NOVA1: variants seen among roughly 807,000 people sequenced by gnomAD.
NOVA1 encodes NOVA alternative splicing regulator 1.
In NOVA1, 7 loss-of-function variants were observed where a neutral mutation model predicts 38.0. The observed-to-expected ratio is 0.18, with a 90% CI of 0.10 to 0.35. The LOEUF is 0.35. NOVA1 is among the 10% of genes least tolerant of loss of function. The pLI is 1.00. For synonymous variants in NOVA1, 270 were observed against 232.5 expected, an observed-to-expected ratio of 1.16 and a Z score of -1.47; for missense variants, 460 against 616.0, an observed-to-expected ratio of 0.75 and a Z score of 2.68.
intron 3 of NOVA1, among the ~76,000 whole-genome samples, chr14:26,478,761 T>C (rs1199529773): frequency 6.6e-6 from 1 of 151,934 alleles, no homozygotes; most frequent in Non-Finnish European, 1.5e-5. Context: ...TTAAGACTTA[T>C]GAAGGGTATA....
rs1263557543 is a variant in NOVA1 at position 26,446,615 on chromosome 14, G to A, written c.*1344C>T. On this transcript the variant is annotated 3_prime_UTR_variant, in exon 5 of 5. Coordinates refer to ENST00000539517, the MANE Select transcript of NOVA1 (RefSeq NM_002515.3). ...GGTGCTTGGGGATGGATGCCCCTAT[G>A]AGTGGCCTTGAGTGGGCAAACTCAG... 1 of 152,790 alleles carries A rather than the reference G, an allele frequency of 6.5e-6. No individual in the cohort carries two copies. Among genetic ancestry groups the A allele is most frequent in the African/African-American group, 2.4e-5 (1 of 41,462 alleles). 9.5% of individuals were successfully genotyped at this position (152,790 alleles called of 1,614,324 possible). A position where few individuals can be genotyped will look rare whatever the true frequency, so the allele number is the denominator to read the frequency against.
chr14:26,449,695 G>A (rs1188373035), intron 4 of NOVA1, among the ~76,000 whole-genome samples: 1 of 151,972 alleles, frequency 6.6e-6, no homozygotes, highest in Admixed American at 6.6e-5. Context: ...ATCTATATTT[G>A]TAAAATAATT....
At chr14:26,525,168 T>G (rs143836645) in intron 2 of NOVA1, among the ~76,000 whole-genome samples, 2 of 152,162 alleles carry the variant, frequency 1.3e-5, no homozygotes, top group Admixed American at 1.3e-4. Flanking sequence ...TCCAGTGCTA[T>G]GTAATAAGAA....
chr14:26,492,383 A>G (rs1029481006), intron 2 of NOVA1, among the ~76,000 whole-genome samples: 1 of 152,164 alleles, frequency 6.6e-6, no homozygotes, highest in Non-Finnish European at 1.5e-5. Flanking sequence ...GGCTACAAGT[A>G]CCAGAAAAAT....
intron 4 of NOVA1, chr14:26,470,363 G>T: frequency 6.7e-7 from 1 of 1,493,312 alleles, no homozygotes; most frequent in East Asian, 2.4e-5. Flanking sequence ...AATACTGTTG[G>T]GGAGAAAATA....
At chr14:26,564,342 A>C (rs568204576) in intron 2 of NOVA1, among the ~76,000 whole-genome samples, 1 of 152,290 alleles carries the variant, frequency 6.6e-6, no homozygotes, top group Non-Finnish European at 1.5e-5. Context: ...CATATGTATT[A>C]ATTCAGTCCT....
chr14:26,542,976 T>C (rs1272239867), intron 2 of NOVA1, among the ~76,000 whole-genome samples: 1 of 151,830 alleles, frequency 6.6e-6, no homozygotes, highest in Non-Finnish European at 1.5e-5. Context: ...TGCCTAAGAA[T>C]AAATAAACAC....
At chr14:26,517,786 T>C (rs1888578602) in intron 2 of NOVA1, among the ~76,000 whole-genome samples, 1 of 152,202 alleles carries the variant, frequency 6.6e-6, no homozygotes, top group Admixed American at 6.5e-5. Context: ...CATGGCATAG[T>C]CATATGTAAA....
At chr14:26,466,373 A>G (rs1350642800) in intron 4 of NOVA1, among the ~76,000 whole-genome samples, 1 of 152,222 alleles carries the variant, frequency 6.6e-6, no homozygotes, top group East Asian at 1.9e-4. Context: ...GGTTAGGGGT[A>G]GTTTTTGGAC....
intron 2 of NOVA1, among the ~76,000 whole-genome samples, chr14:26,537,590 T>C (rs1890193454): frequency 6.6e-6 from 1 of 152,164 alleles, no homozygotes; most frequent in Non-Finnish European, 1.5e-5. Context: ...AAATGGTTAA[T>C]GCCCTTATAT....
At chr14:26,544,266 C>T (rs367664538) in intron 2 of NOVA1, among the ~76,000 whole-genome samples, 2 of 151,992 alleles carry the variant, frequency 1.3e-5, no homozygotes, top group African/African-American at 4.8e-5. Flanking sequence ...GTAGTCAAAA[C>T]CAGACAAATA....
At chr14:26,573,515 A>G (rs1329664237) in intron 2 of NOVA1, among the ~76,000 whole-genome samples, 1 of 152,178 alleles carries the variant, frequency 6.6e-6, no homozygotes, top group East Asian at 1.9e-4. Flanking sequence ...GAAAAAATTT[A>G]AAAGATCCAA....
intron 2 of NOVA1, among the ~76,000 whole-genome samples, chr14:26,526,331 T>C (rs17111336): frequency 0.072 from 11,031 of 152,218 alleles, 881 homozygotes; most frequent in African/African-American, 0.2. Flanking sequence ...AAATTTGGAT[T>C]GGTTGCTTTC....
intron 2 of NOVA1, among the ~76,000 whole-genome samples, chr14:26,555,620 G>C (rs190573509): frequency 5.7e-4 from 87 of 152,166 alleles, no homozygotes; most frequent in Non-Finnish European, 4.7e-4. Context: ...TCAGTTACAA[G>C]TAAATTTTAA....
chr14:26,447,992 T>C lies in NOVA1; in HGVS notation c.1491A>G (p.Gly497=). 2 of 1,614,180 alleles carry C rather than the reference T, an allele frequency of 1.2e-6. No individual in the cohort carries two copies. Among genetic ancestry groups the C allele is most frequent in the Non-Finnish European group, 1.7e-6 (2 of 1,180,032 alleles). The change falls in exon 5 of 5, where the codon GGA becomes GGG. Residue 497 remains glycine, a synonymous_variant. Transcript: ENST00000539517. ...CTTTCTGAGGATTGGCAGCCCGAACTCCTTGCTCATATGTGATCCTTTGTG... is the reference window on the plus strand; with the variant it reads ...CTTTCTGAGGATTGGCAGCCCGAACCCCTTGCTCATATGTGATCCTTTGTG... The part of the protein sequence containing the change: ...LITQRITYEQ[G]VRAANPQKVG
In NOVA1 at chr14:26,513,268, A is replaced by C. The variant is rs1888224933; in HGVS notation, c.281-33125T>G. ...AAATTAATTCTGTAAGCTTGAATGA[A>C]AGATATTCAATTTATGGATTTTCAT... On this transcript the variant is annotated intron_variant, in intron 2 of 4. Transcript: ENST00000539517. 2.0e-5 allele frequency among the ~76,000 whole-genome samples: 3 copies of C among 151,942 alleles called. No individual in the cohort carries two copies. In the South Asian group the frequency reaches 6.2e-4, roughly 31 times the overall value.
chr14:26,562,710 G>A (rs1317309766), intron 2 of NOVA1, among the ~76,000 whole-genome samples: 3 of 152,074 alleles, frequency 2.0e-5, no homozygotes, highest in Non-Finnish European at 4.4e-5. Context: ...GAAAGACAGC[G>A]ATAATGTTAG....
At chr14:26,476,710 TTTC>T (rs1271937464) in intron 3 of NOVA1, among the ~76,000 whole-genome samples, 3 of 152,000 alleles carry the variant, frequency 2.0e-5, no homozygotes, top group Admixed American at 6.5e-5. Context: ...TCTGAATTTT[TTTC>T]TTTTCTTTTT....
chr14:26,580,576 T>A (rs2138764938), intron 2 of NOVA1, among the ~76,000 whole-genome samples: 1 of 152,176 alleles, frequency 6.6e-6, no homozygotes, highest in Middle Eastern at 3.4e-3. Context: ...GAAAGACACC[T>A]TACAGTATTT....
Sources: gnomAD v4.1 joint callset for allele counts (sites outside exome capture counted in the v4.1 genomes callset) on GRCh38, gnomAD v4.1.1 for gene constraint, MANE v1.5 for transcripts, NCBI Gene and HGNC (gene_info 2026-07-23, HGNC 2026-07-21) for gene names.